Variants in ANK3 observed in about 807,000 individuals in gnomAD.
ANK3 encodes the protein ankyrin-3.
In ANK3, 57 loss-of-function variants were observed where a neutral mutation model predicts 370.9. The observed-to-expected ratio is 0.15, with a 90% CI of 0.12 to 0.19. The LOEUF (loss-of-function observed/expected upper bound fraction) is 0.19. Among genes scored for constraint, ANK3 ranks in the 10% least tolerant of loss-of-function variants. The pLI, the probability that ANK3 is intolerant of heterozygous loss-of-function variation, is 1.00. For synonymous variants in ANK3, 1,929 were observed against 1,946.3 expected (o/e 0.99, Z 0.23); for missense variants, 4,439 against 5,302.1 (o/e 0.84, Z 5.06).
At chr10:60,115,704 G>A (rs1310473924) in intron 25 of ANK3, among the ~76,000 whole-genome samples, 1 of 152,106 alleles carries the variant, frequency 6.6e-6, no homozygotes, top group Non-Finnish European at 1.5e-5. Flanking sequence ...CAATATAAAA[G>A]AGGGTTAAGT....
chr10:60,296,806 G>A (rs1314188718), intron 1 of ANK3, among the ~76,000 whole-genome samples: 2 of 151,944 alleles, frequency 1.3e-5, no homozygotes, highest in Non-Finnish European at 2.9e-5. Flanking sequence ...GTGGGGCCCT[G>A]TCTCTACAAA....
chr10:60,031,348 G>A (rs1205790033), intron 43 of ANK3, among the ~76,000 whole-genome samples: 1 of 152,082 alleles, frequency 6.6e-6, no homozygotes, highest in Non-Finnish European at 1.5e-5. Context: ...CCTGCATAAA[G>A]CATCTGTGTT....
chr10:60,398,796 A>C (rs2063295573), intron 2 of ANK3, among the ~76,000 whole-genome samples: 1 of 152,188 alleles, frequency 6.6e-6, no homozygotes, highest in Non-Finnish European at 1.5e-5. Context: ...TATGGCATTC[A>C]CTCAATGGTC....
chr10:60,173,861 C>G (rs993208300), intron 18 of ANK3, among the ~76,000 whole-genome samples: 2 of 152,118 alleles, frequency 1.3e-5, no homozygotes, highest in African/African-American at 2.4e-5. Context: ...TATAAGTTCT[C>G]TGTGTGTGTA....
chr10:60,605,455 TAAATA>T (rs1164641385), intron 2 of ANK3, among the ~76,000 whole-genome samples: 2 of 151,816 alleles, frequency 1.3e-5, no homozygotes, highest in African/African-American at 4.8e-5. Context: ...TATAAAGAAA[TAAATA>T]AATAAAAAGG....
chr10:60,145,905 G>A (rs181183943), intron 23 of ANK3: 1 of 703,044 alleles, frequency 1.4e-6, no homozygotes, highest in East Asian at 2.7e-5. Flanking sequence ...ATGAATGAAA[G>A]AGCAGTGATT....
At chr10:60,038,234 TA>T (rs1339064252) in intron 43 of ANK3, among the ~76,000 whole-genome samples, 1 of 152,078 alleles carries the variant, frequency 6.6e-6, no homozygotes, top group Non-Finnish European at 1.5e-5. Flanking sequence ...CCGTCTCTAC[TA>T]AAAATACAAA....
intron 28 of ANK3, among the ~76,000 whole-genome samples, chr10:60,095,099 C>G (rs1392257624): frequency 6.6e-6 from 1 of 152,226 alleles, no homozygotes; most frequent in Admixed American, 6.5e-5. Context: ...ATCATGAGTA[C>G]CTTCCCCTAA....
At chr10:60,092,152 G>A (rs1432560843) in intron 28 of ANK3, among the ~76,000 whole-genome samples, 1 of 152,166 alleles carries the variant, frequency 6.6e-6, no homozygotes, top group Non-Finnish European at 1.5e-5. Flanking sequence ...GGAACAGGGA[G>A]TATTACCCTT....
intron 11 of ANK3, among the ~76,000 whole-genome samples, chr10:60,205,389 T>G (rs2096746474): frequency 6.6e-6 from 1 of 152,214 alleles, no homozygotes; most frequent in African/African-American, 2.4e-5. Flanking sequence ...ATCCTTGGCC[T>G]TGACCCACTA....
At chr10:60,320,318 G>T (rs1402988503) in intron 1 of ANK3, among the ~76,000 whole-genome samples, 1 of 152,180 alleles carries the variant, frequency 6.6e-6, no homozygotes. Flanking sequence ...CATGGGCCTG[G>T]TATGGTGGCT....
intron 5 of ANK3, among the ~76,000 whole-genome samples, chr10:60,265,713 A>G (rs1384372190): frequency 6.6e-6 from 1 of 152,170 alleles, no homozygotes; most frequent in East Asian, 1.9e-4. Context: ...TCTTCCTAAA[A>G]CATCCCTTTC....
At position 60,253,061 on chromosome 10, in the gene ANK3, C is replaced by G. The variant is rs187478555; in HGVS notation, c.798+8798G>C. ...GATGATTAGGCTGAAACATAAATAA[C>G]TACTCAAGAGCACCAGGATAAGCTG... On this transcript the variant is annotated intron_variant, in intron 7 of 43. Coordinates refer to ENST00000280772, the MANE Select transcript of ANK3 (RefSeq NM_020987.5). 2.0e-4 allele frequency among the ~76,000 whole-genome samples: 31 copies of G among 152,336 alleles called. No homozygotes were observed. In the East Asian group the frequency reaches 5.0e-3, roughly 25 times the overall value.
intron 2 of ANK3, among the ~76,000 whole-genome samples, chr10:60,448,148 T>C (rs1475294999): frequency 6.6e-6 from 1 of 152,152 alleles, no homozygotes; most frequent in African/African-American, 2.4e-5. Flanking sequence ...ATTCTGCAAC[T>C]GCAATCAGAG....
At chr10:60,413,410 C>G (rs562866848) in intron 2 of ANK3, among the ~76,000 whole-genome samples, 1 of 152,282 alleles carries the variant, frequency 6.6e-6, no homozygotes, top group Admixed American at 6.5e-5. Flanking sequence ...GAAAAGATGA[C>G]AGATAAAATT....
At chr10:60,283,930 A>G (rs1219767766) in intron 1 of ANK3, among the ~76,000 whole-genome samples, 1 of 152,160 alleles carries the variant, frequency 6.6e-6, no homozygotes, top group Non-Finnish European at 1.5e-5. Flanking sequence ...TGTAATCCTT[A>G]TAACAGTTCC....
intron 2 of ANK3, among the ~76,000 whole-genome samples, chr10:60,471,568 G>A (rs540398543): frequency 2.0e-5 from 3 of 152,164 alleles, no homozygotes; most frequent in African/African-American, 4.8e-5. Context: ...ATTATCATGA[G>A]GGCTTGTTTT....
intron 2 of ANK3, among the ~76,000 whole-genome samples, chr10:60,590,066 A>G (rs2133291174): frequency 6.6e-6 from 1 of 152,316 alleles, no homozygotes; most frequent in East Asian, 1.9e-4. Context: ...AGTTTGATTT[A>G]TTCTATTTCT....
chr10:60,536,116 AC>A (rs374415932), intron 2 of ANK3, among the ~76,000 whole-genome samples: 6 of 152,208 alleles, frequency 3.9e-5, no homozygotes, highest in African/African-American at 1.4e-4. Flanking sequence ...GTGACTAAAA[AC>A]TACTTTCAAC....
Sources: allele counts gnomAD v4.1 joint callset (sites outside exome capture counted in the v4.1 genomes callset), GRCh38; gene constraint gnomAD v4.1.1; transcripts MANE v1.5; gene names NCBI Gene and HGNC (gene_info 2026-07-23, HGNC 2026-07-21).